Variants in ARID1B observed in about 807,000 individuals in gnomAD.
ARID1B encodes the protein AT-rich interactive domain-containing protein 1B.
ARID1B carries 30 observed loss-of-function variants against 212.3 expected under a neutral mutation model. That is an observed-to-expected ratio of 0.14 (90% confidence interval 0.11 to 0.19). ARID1B has a LOEUF of 0.19. Among genes scored for constraint, ARID1B ranks in the 10% least tolerant of loss-of-function variants. The probability of loss-of-function intolerance (pLI) is 1.00; values close to 1 mark genes in which losing one functional copy is unlikely to be tolerated. For synonymous variants in ARID1B, 1,402 were observed against 1,301.7 expected, an observed-to-expected ratio of 1.08 and a Z score of -1.66; for missense variants, 2,891 against 3,204.0, an observed-to-expected ratio of 0.90 and a Z score of 2.36.
rs1437223918 is a variant in ARID1B at position 157,203,348 on chromosome 6, G to A, written c.5264-518G>A. Among the ~76,000 whole-genome samples, 1 of 152,222 alleles carries A rather than the reference G, an allele frequency of 6.6e-6. No individual in the cohort carries two copies. On this transcript the variant is annotated intron_variant, in intron 18 of 19. Transcript: ENST00000636930. This position sits in a 1 kb window ranked among gnomAD's most constrained non-coding sequence, Gnocchi z 4.4. ...AGCATGTTCTGAGGGCAGGAGCACA[G>A]GACTAGAGGAAAGCAGCCTGGGAAG...
intron 4 of ARID1B, among the ~76,000 whole-genome samples, chr6:156,962,906 C>A (rs1409649330): frequency 6.6e-6 from 1 of 152,104 alleles, no homozygotes; most frequent in African/African-American, 2.4e-5. Context: ...CCTCAGCCTC[C>A]CAGTAGCTGG....
Position 157,203,927 on chromosome 6 carries a change from G to C in ARID1B, c.5325G>C (p.Thr1775=). The C allele has an allele frequency of 6.2e-7, 1 of 1,614,094 alleles. No homozygotes were observed. The highest frequency in any genetic ancestry group is 1.3e-5 in the African/African-American group (1 of 75,034). The change falls in exon 19 of 20, where the codon ACG becomes ACC. Residue 1775 remains threonine, a synonymous_variant. Transcript: ENST00000636930. This position sits in a 1 kb window ranked among gnomAD's most constrained non-coding sequence, Gnocchi z 4.4. ...AATCAGGTCTTTTGGCTGAGAGTAC[G>C]TGGGCTTTGGACACTATTAATATTC... ...SLKSGLLAES[T]WALDTINILL... is the part of the protein sequence containing the mutation.
At chr6:157,111,326 T>C (rs1013576657) in intron 6 of ARID1B, 1 of 152,324 alleles carries the variant, frequency 6.6e-6, no homozygotes, top group Non-Finnish European at 1.5e-5. Context: ...AAAGCTACTC[T>C]TGGTGGTGGT....
intron 4 of ARID1B, among the ~76,000 whole-genome samples, chr6:157,035,215 G>A (rs1436808248): frequency 6.6e-6 from 1 of 152,150 alleles, no homozygotes; most frequent in Non-Finnish European, 1.5e-5. Context: ...AGAACTCACT[G>A]AAGATTTTTT....
chr6:157,010,676 T>C (rs1175798823), intron 4 of ARID1B, among the ~76,000 whole-genome samples: 1 of 151,928 alleles, frequency 6.6e-6, no homozygotes, highest in Non-Finnish European at 1.5e-5. Context: ...TTTTTAACTG[T>C]TCTCATGTAG....
rs2128462397 is a variant in ARID1B, at chr6:157,084,722, G to A, written c.2308G>A (p.Val770Ile). 1.2e-6 allele frequency: 2 copies of A among 1,614,202 alleles called. No individual in the cohort carries two copies. The highest frequency in any genetic ancestry group is 1.7e-6 in the Non-Finnish European group (2 of 1,180,034). ...AACGGAAGCAACTTTGAGCTCAGCA[G>A]TCAGTGCATCCGGGTCCACGAGCAG... is the stretch of plus-strand genomic sequence containing the variant. ...TGTEATLSSAVSASGSTSSQG... is the reference protein window; with the variant it reads ...TGTEATLSSAISASGSTSSQG... Residue 770 changes from valine to isoleucine, a missense_variant, in exon 5 of 20, where the codon GTC (valine) becomes ATC (isoleucine). Transcript: ENST00000636930.
Position 156,778,003 on chromosome 6 carries a change from T to C in ARID1B, c.323T>C (p.Leu108Pro). 1 of 1,531,058 alleles carries C rather than the reference T, an allele frequency of 6.5e-7. No homozygotes were observed. The highest frequency in any genetic ancestry group is 8.7e-7 in the Non-Finnish European group (1 of 1,144,908). 94.8% of individuals were successfully genotyped at this position (1,531,058 alleles called of 1,614,324 possible). Residue 108 changes from leucine to proline, a missense_variant, in exon 1 of 20, where the codon CTC (leucine) becomes CCC (proline). Leu to Pro is a moderately conservative substitution (Grantham distance 98). This residue lies in a region of ARID1B where 1,643 missense variants were observed against 1,544.0 expected (regional missense o/e 1.06). Coordinates refer to ENST00000636930, the MANE Select transcript of ARID1B (RefSeq NM_001374828.1). ...AAGAGCGGCGGCTCCGAGGCGGCTC[T>C]CAAGGAGGGTGGAAGCGCCGCCGCG... ...SAKSGGSEAA[L>P]KEGGSAAALS... is the part of the protein sequence containing the mutation.
intron 13 of ARID1B, among the ~76,000 whole-genome samples, chr6:157,186,787 AT>A (rs1463049317): frequency 6.6e-6 from 1 of 152,048 alleles, no homozygotes; most frequent in African/African-American, 2.4e-5. Context: ...AACATTTTAG[AT>A]TTTTTTTCAC....
chr6:156,790,829 C>T (rs1209474503), intron 1 of ARID1B, among the ~76,000 whole-genome samples: 2 of 152,234 alleles, frequency 1.3e-5, no homozygotes, highest in African/African-American at 4.8e-5. Flanking sequence ...CTTCCTCCTC[C>T]ACTCTGATAT....
chr6:157,186,545 G>T (rs753871288), intron 13 of ARID1B: 2 of 470,960 alleles, frequency 4.2e-6, no homozygotes, highest in African/African-American at 4.0e-5. Flanking sequence ...TGGCCTCTCC[G>T]ATTCCAGTCC....
rs1794588619 is a variant in ARID1B at position 157,207,893 on chromosome 6, A to T, written c.*2A>T. 1.3e-6 allele frequency: 2 copies of T among 1,485,630 alleles called. No homozygotes were observed. The highest frequency in any genetic ancestry group is 1.8e-6 in the Non-Finnish European group (2 of 1,115,090). The allele number at this position is 1,485,630 out of a possible 1,614,324, so 92.0% of individuals were successfully genotyped here. A position where few individuals can be genotyped will look rare whatever the true frequency, so the allele number is the denominator to read the frequency against. ...CTGTTTCAGATTGGGCAGTTATGAC[A>T]TAAGTGAGAAGGCAAGCATGTGTGA... On this transcript the variant is annotated 3_prime_UTR_variant, in exon 20 of 20. Transcript: ENST00000636930. This position sits in a 1 kb window ranked among gnomAD's most constrained non-coding sequence, Gnocchi z 8.5.
At chr6:156,916,940 G>A (rs916923184) in intron 3 of ARID1B, among the ~76,000 whole-genome samples, 1 of 152,168 alleles carries the variant, frequency 6.6e-6, no homozygotes, top group African/African-American at 2.4e-5. Context: ...TTGCCTGGCC[G>A]CAGACAGGGG....
chr6:156,991,855 A>C (rs909077096), intron 4 of ARID1B, among the ~76,000 whole-genome samples: 1 of 152,168 alleles, frequency 6.6e-6, no homozygotes, highest in Admixed American at 6.5e-5. Context: ...TTGTACCTTA[A>C]TTTGCTTCTC....
intron 1 of ARID1B, among the ~76,000 whole-genome samples, chr6:156,780,793 T>C (rs371743794): frequency 1.1e-4 from 16 of 152,356 alleles, no homozygotes; most frequent in African/African-American, 3.8e-4. Flanking sequence ...AGATCTTTGA[T>C]GATAGTCTTA....
intron 4 of ARID1B, among the ~76,000 whole-genome samples, chr6:156,997,406 T>C (rs1778656681): frequency 6.6e-6 from 1 of 152,216 alleles, no homozygotes. Context: ...TGTGGCATCC[T>C]TTTTACTTTA....
At chr6:156,821,895 A>G (rs1198847984) in intron 1 of ARID1B, among the ~76,000 whole-genome samples, 1 of 152,124 alleles carries the variant, frequency 6.6e-6, no homozygotes, top group African/African-American at 2.4e-5. Flanking sequence ...GTCAGTTAGG[A>G]GTGTTTTGAG....
chr6:156,922,640 C>T (rs975683470), intron 3 of ARID1B, among the ~76,000 whole-genome samples: 2 of 152,176 alleles, frequency 1.3e-5, no homozygotes, highest in Non-Finnish European at 2.9e-5. Flanking sequence ...TAATCTGGTT[C>T]AAAACATCTC....
At chr6:157,143,467 T>G (rs12214931) in intron 7 of ARID1B, among the ~76,000 whole-genome samples, 33,661 of 149,046 alleles carry the variant, frequency 0.23, 4,021 homozygotes, top group African/African-American at 0.3. Flanking sequence ...TTTCACCCCA[T>G]GCACACATTT....
chr6:156,831,674 T>G (rs114887207), intron 2 of ARID1B, among the ~76,000 whole-genome samples: 1,588 of 152,370 alleles, frequency 0.01, 26 homozygotes, highest in African/African-American at 0.035. Flanking sequence ...TTCCATTTAT[T>G]TAATCCCTGT....
Sources: gnomAD v4.1 joint callset for allele counts (sites outside exome capture counted in the v4.1 genomes callset) on GRCh38, gnomAD v4.1.1 for gene constraint, gnomAD v4.1.1 regional missense constraint, Gnocchi (gnomAD v3.1) non-coding constraint, MANE v1.5 for transcripts, NCBI Gene and HGNC (gene_info 2026-07-23, HGNC 2026-07-21) for gene names.